The following NTNG2 variants were observed in gnomAD, a reference collection of about 807,000 sequenced individuals.
The protein encoded by NTNG2 is netrin-G2.
In NTNG2, 15 loss-of-function variants were observed where a neutral mutation model predicts 47.6. The observed-to-expected ratio is 0.32, with a 90% confidence interval of 0.21 to 0.49. The LOEUF (loss-of-function observed/expected upper bound fraction) is 0.49. Ranked by LOEUF, NTNG2 falls within the 20% of genes least tolerant of loss-of-function variation. The pLI is 0.99. For synonymous variants in NTNG2, 307 were observed against 324.6 expected (o/e 0.95, Z 0.58); for missense variants, 578 against 764.6 (o/e 0.76, Z 2.88).
At chr9:132,164,300 G>GCGCGCCGCT (rs1312975181) in intron 1 of NTNG2, among the ~76,000 whole-genome samples, 2 of 152,086 alleles carry the variant, frequency 1.3e-5, no homozygotes, top group African/African-American at 4.8e-5. Context: ...GTTGCGCCGC[G>GCGCGCCGCT]CGCGCCGCTC....
At chr9:132,227,168 C>T (rs1840829917) in intron 4 of NTNG2, 147 bp downstream of exon 4, 2 of 906,284 alleles carry the variant, frequency 2.2e-6, no homozygotes, top group Admixed American at 3.2e-5. Context: ...CACACAGAAA[C>T]ATACGAGCAT....
rs1835532317 is a variant in NTNG2 at position 132,166,891 on chromosome 9, C to T, written c.60C>T (p.Asp20=). The change falls in exon 2 of 8, where the codon GAC becomes GAT. Residue 20 remains aspartate (D), a synonymous_variant. Transcript: ENST00000393229. ...TCCCTCTGGCCTCTGGGGACTATGA[C>T]ATCTGCAAATCCTGGGTGACCACAG... ...HCLPLASGDY[D]ICKSWVTTDE... 7.4e-6 allele frequency: 12 copies of T among 1,614,104 alleles called. No homozygotes were observed. Among genetic ancestry groups the T allele is most frequent in the Non-Finnish European group, 9.3e-6 (11 of 1,180,046 alleles).
chr9:132,212,009 T>C (rs948091613), intron 3 of NTNG2, among the ~76,000 whole-genome samples: 16 of 152,154 alleles, frequency 1.1e-4, no homozygotes, highest in African/African-American at 3.9e-4. Context: ...TGGAACTCTT[T>C]CCAGAGAAGA....
intron 2 of NTNG2, among the ~76,000 whole-genome samples, chr9:132,168,396 C>G (rs535502563): frequency 6.6e-6 from 1 of 152,292 alleles, no homozygotes; most frequent in East Asian, 1.9e-4. Context: ...TGACCCGGTG[C>G]CCCCACCTCA....
At chr9:132,181,138 C>T (rs1013598309) in intron 2 of NTNG2, among the ~76,000 whole-genome samples, 1 of 152,222 alleles carries the variant, frequency 6.6e-6, no homozygotes, top group South Asian at 2.1e-4. Context: ...GGCTGGAGTG[C>T]AGTGAAGCAG....
At chr9:132,187,059 AT>A (rs1837446128) in intron 2 of NTNG2, among the ~76,000 whole-genome samples, 3 of 152,194 alleles carry the variant, frequency 2.0e-5, no homozygotes, top group Admixed American at 2.0e-4. Flanking sequence ...ACTGAGATGC[AT>A]TTTCTGGGTC....
At chr9:132,224,346 T>G (rs1840574938) in intron 3 of NTNG2, among the ~76,000 whole-genome samples, 1 of 152,148 alleles carries the variant, frequency 6.6e-6, no homozygotes, top group Admixed American at 6.5e-5. Flanking sequence ...TAGGACTCAC[T>G]CTGTGTTGGA....
intron 3 of NTNG2, among the ~76,000 whole-genome samples, chr9:132,225,005 T>C (rs931356805): frequency 3.3e-5 from 5 of 150,204 alleles, no homozygotes; most frequent in African/African-American, 4.9e-5. Context: ...CTGCAACCTC[T>C]GCCTCCTGGG....
In NTNG2 at chr9:132,242,389, CTTTTT is replaced by C. The variant is rs576454643; in HGVS notation, c.*291_*295del. On this transcript the variant is annotated 3_prime_UTR_variant, in exon 8 of 8. Coordinates refer to ENST00000393229, the MANE Select transcript of NTNG2 (RefSeq NM_032536.4). This position sits in a 1 kb window ranked among gnomAD's most constrained non-coding sequence, Gnocchi z 5.9. ...TCCTTTTTTGTCTTTCTCTCTCTCT[CTTTTT>C]TTTTTTTTTTTTCTGGCGGTGAGCC... The C allele has an allele frequency of 1.5e-5, 2 of 134,216 alleles. No individual in the cohort carries two copies. The highest frequency in any genetic ancestry group is 3.1e-5 in the Non-Finnish European group (2 of 64,424). The allele number at this position is 134,216 out of a possible 1,614,324, so 8.3% of individuals were successfully genotyped here.
chr9:132,173,875 G>A (rs906881276), intron 2 of NTNG2, among the ~76,000 whole-genome samples: 2 of 141,670 alleles, frequency 1.4e-5, no homozygotes, highest in South Asian at 2.3e-4. Context: ...GGACAGACAG[G>A]CAGGCCGCAC....
At chr9:132,203,091 C>A (rs188992914) in intron 3 of NTNG2, among the ~76,000 whole-genome samples, 1 of 152,146 alleles carries the variant, frequency 6.6e-6, no homozygotes, top group Non-Finnish European at 1.5e-5. Flanking sequence ...GCCATTCCTG[C>A]ACCCACCCCA....
chr9:132,230,204 A>G, intron 4 of NTNG2, among the ~76,000 whole-genome samples: 1 of 152,216 alleles, frequency 6.6e-6, no homozygotes, highest in South Asian at 2.1e-4. Flanking sequence ...CCTGTCCTGC[A>G]CTGGAGGGCC....
In NTNG2 at chr9:132,236,829, GGTGCCGTCC is replaced by G. The variant is rs564341403; in HGVS notation, c.1055-2271_1055-2263del. 2.6e-5 allele frequency among the ~76,000 whole-genome samples: 4 copies of G among 152,238 alleles called. No individual in the cohort carries two copies. Among genetic ancestry groups the G allele is most frequent in the Non-Finnish European group, 5.9e-5 (4 of 68,038 alleles). On this transcript the variant is annotated intron_variant, in intron 5 of 7. Transcript: ENST00000393229. The surrounding 1 kb of genome is among the most constrained non-coding windows in gnomAD (Gnocchi z 4.3). The stretch of plus-strand genomic sequence containing the variant: ...GCGGGATTCTGGGCAGTGGAAGGCA[GGTGCCGTCC>G]GTGTTCCTGGCTTGACAGCACTTGC...
At chr9:132,183,769 G>C (rs1248323524) in intron 2 of NTNG2, among the ~76,000 whole-genome samples, 1 of 152,162 alleles carries the variant, frequency 6.6e-6, no homozygotes, top group African/African-American at 2.4e-5. Context: ...GCCCTTCCCT[G>C]GACCACCTGG....
chr9:132,227,704 C>T (rs1225387524), intron 4 of NTNG2, among the ~76,000 whole-genome samples: 1 of 152,206 alleles, frequency 6.6e-6, no homozygotes, highest in Non-Finnish European at 1.5e-5. Context: ...CCTGTCCTCG[C>T]CCAGCCATGC....
At chr9:132,227,747 A>C (rs1018039066) in intron 4 of NTNG2, among the ~76,000 whole-genome samples, 3 of 151,978 alleles carry the variant, frequency 2.0e-5, no homozygotes, top group Non-Finnish European at 4.4e-5. Context: ...GCCCACTCAC[A>C]TCTGCATCAT....
chr9:132,168,657 G>C (rs915855466), intron 2 of NTNG2, among the ~76,000 whole-genome samples: 3 of 152,106 alleles, frequency 2.0e-5, no homozygotes, highest in African/African-American at 4.8e-5. Flanking sequence ...CAAGCAAGGG[G>C]GCTGGGCTCT....
At position 132,242,042 on chromosome 9, in the gene NTNG2, C is replaced by T. The variant is rs1842024935; in HGVS notation, c.1524C>T (p.Ala508=). ...TGGACTGCGACCGCGCGCCCGGGGCCGCCCCGCGCCCCGCCACCCTGCTCG... is the reference window on the plus strand; with the variant it reads ...TGGACTGCGACCGCGCGCCCGGGGCTGCCCCGCGCCCCGCCACCCTGCTCG... ...GGLDCDRAPG[A]APRPATLLGC... is the part of the protein sequence containing the mutation. The change falls in exon 8 of 8, where the codon GCC becomes GCT. Residue 508 remains alanine, a synonymous_variant. Coordinates refer to ENST00000393229, the MANE Select transcript of NTNG2 (RefSeq NM_032536.4). This position sits in a 1 kb window ranked among gnomAD's most constrained non-coding sequence, Gnocchi z 5.9. 2 of 1,275,320 alleles carry T rather than the reference C, an allele frequency of 1.6e-6. No individual in the cohort carries two copies. The highest frequency in any genetic ancestry group is 2.0e-6 in the Non-Finnish European group (2 of 1,014,730). 79.0% of individuals were successfully genotyped at this position (1,275,320 alleles called of 1,614,324 possible).
Position 132,198,246 on chromosome 9 carries a change from A to C in NTNG2, c.494A>C (p.Gln165Pro). 1 of 1,613,106 alleles carries C rather than the reference A, an allele frequency of 6.2e-7. No individual in the cohort carries two copies. The highest frequency in any genetic ancestry group is 8.5e-7 in the Non-Finnish European group (1 of 1,180,018). The change falls in exon 3 of 8, where the codon CAG becomes CCG. Residue 165 changes from glutamine to proline, a missense_variant. Transcript: ENST00000393229. Reference sequence around the variant, plus strand: ...AACGGGCGCACCTGGCAGCCCTACCAGTTCTACGCCGAGGACTGCATGGAG... The same window carrying C: ...AACGGGCGCACCTGGCAGCCCTACCCGTTCTACGCCGAGGACTGCATGGAG... ...LDNGRTWQPYQFYAEDCMEAF... is the reference protein window; with the variant it reads ...LDNGRTWQPYPFYAEDCMEAF...
Sources: allele counts gnomAD v4.1 joint callset (sites outside exome capture counted in the v4.1 genomes callset), GRCh38; gene constraint gnomAD v4.1.1; non-coding constraint Gnocchi (gnomAD v3.1); transcripts MANE v1.5; gene names NCBI Gene and HGNC (gene_info 2026-07-23, HGNC 2026-07-21).